Variants in TNRC6C observed in about 807,000 individuals in gnomAD.
The protein encoded by TNRC6C is trinucleotide repeat-containing gene 6C protein.
Under a neutral mutation model 153.7 loss-of-function variants are expected in TNRC6C, and 20 were observed. The observed-to-expected ratio is 0.13, with a 90% CI of 0.09 to 0.19. The LOEUF (loss-of-function observed/expected upper bound fraction) is 0.19, where lower values mean the gene tolerates loss of function less well. Ranked by LOEUF, TNRC6C falls within the 10% of genes least tolerant of loss-of-function variation. TNRC6C has a pLI of 1.00. For synonymous variants in TNRC6C, 811 were observed against 841.4 expected, an observed-to-expected ratio of 0.96 and a Z score of 0.63; for missense variants, 1,987 against 2,172.0, an observed-to-expected ratio of 0.91 and a Z score of 1.69.
rs547289890 is a variant in TNRC6C, at chr17:78,049,495, A to T, written c.433A>T (p.Thr145Ser). Residue 145 changes from threonine to serine, a missense_variant, in exon 3 of 20, where the codon ACA becomes TCA. Thr to Ser is a moderately conservative substitution (Grantham distance 58). Coordinates refer to ENST00000301624, the Ensembl canonical transcript of TNRC6C. This position sits in a 1 kb window ranked among gnomAD's most constrained non-coding sequence, Gnocchi z 4.1. ...TATGGGCAACCAGAACGGGAACCCA[A>T]CAGGCACTTTAGGTGCTTGGGGAAA... 28 of 1,614,074 alleles carry T rather than the reference A, an allele frequency of 1.7e-5. No individual in the cohort carries two copies. The East Asian group carries it at 4.5e-4, about 26-fold the overall frequency.
In TNRC6C at chr17:77,980,867, G is replaced by A. The variant is rs535732881; in HGVS notation, c.-38+21599G>A. Among the ~76,000 whole-genome samples the A allele has an allele frequency of 2.7e-4, 41 of 152,344 alleles. 1 individual carries two copies. The South Asian group carries it at 8.5e-3, about 32-fold the overall frequency. The stretch of plus-strand genomic sequence containing the variant: ...GCCTAGAACAAGGTATGGGGGGTGG[G>A]TGCTTCCATGCCCTCTCTGTTGCAC... On this transcript the variant is annotated intron_variant, in intron 1 of 22. Transcript: ENST00000636222.
intron 17 of TNRC6C, among the ~76,000 whole-genome samples, chr17:78,099,314 A>T (rs1325754236): frequency 6.6e-6 from 1 of 152,240 alleles, no homozygotes; most frequent in African/African-American, 2.4e-5. Flanking sequence ...CAAAATTTTT[A>T]AAATCAGCTA....
exon 20 of TNRC6C, chr17:78,107,198 T>C (rs1471878829): frequency 6.6e-6 from 1 of 152,222 alleles, no homozygotes; most frequent in Non-Finnish European, 1.5e-5. Flanking sequence ...TGTTTTAAAA[T>C]TGGGGATGGA....
intron 16 of TNRC6C, among the ~76,000 whole-genome samples, 200 bp from the exon 19 acceptor site, chr17:78,097,545 C>T (rs910990339): frequency 5.3e-5 from 8 of 152,214 alleles, no homozygotes; most frequent in Non-Finnish European, 1.0e-4. Flanking sequence ...CATCCCAGGC[C>T]TCCCTGAGTG....
intron 1 of TNRC6C, among the ~76,000 whole-genome samples, chr17:77,983,900 C>T (rs571866237): frequency 5.3e-5 from 8 of 152,196 alleles, no homozygotes; most frequent in Non-Finnish European, 7.4e-5. Context: ...AATGTCTGTT[C>T]GGACTGCAGC....
intron 16 of TNRC6C, among the ~76,000 whole-genome samples, chr17:78,096,766 CAACT>C (rs576764194): frequency 1.3e-5 from 2 of 152,350 alleles, no homozygotes; most frequent in South Asian, 2.1e-4. Flanking sequence ...GTGTTCACCC[CAACT>C]GTCACCATTA....
At chr17:78,039,309 G>GCCCCCCCCCCCCCCCCCCCCCCCCC (rs11306576) in intron 2 of TNRC6C, among the ~76,000 whole-genome samples, 1 of 113,464 alleles carries the variant, frequency 8.8e-6, no homozygotes, top group African/African-American at 3.6e-5. Context: ...TTCAAATCTT[G>GCCCCCCCCCCCCCCCCCCCCCCCCC]CCCCCCCCCC....
intron 3 of TNRC6C, among the ~76,000 whole-genome samples, chr17:78,064,368 G>A (rs1429013270): frequency 6.6e-6 from 1 of 152,178 alleles, no homozygotes; most frequent in East Asian, 1.9e-4. Context: ...TGGAATTACA[G>A]GCATGAGCCA....
At chr17:77,998,080 C>G (rs149972784) in intron 1 of TNRC6C, among the ~76,000 whole-genome samples, 94 of 152,196 alleles carry the variant, frequency 6.2e-4, no homozygotes, top group African/African-American at 2.2e-3. Flanking sequence ...CAAACACATA[C>G]AACCATATAA....
In TNRC6C at chr17:78,104,118, G is replaced by A. The variant is rs1181173682; in HGVS notation, c.4713-367G>A. On this transcript the variant is annotated intron_variant, in intron 19 of 19. Transcript: ENST00000301624. The surrounding 1 kb of genome is among the most constrained non-coding windows in gnomAD (Gnocchi z 6.2). ...TCCTCACAGCCAACCCTTCACCCTA[G>A]TGAAAGGTTGCTTTTGATAGAAGTA... Among the ~76,000 whole-genome samples the A allele has an allele frequency of 6.6e-6, 1 of 152,178 alleles. No individual in the cohort carries two copies. Among genetic ancestry groups the A allele is most frequent in the Non-Finnish European group, 1.5e-5 (1 of 68,032 alleles).
intron 10 of TNRC6C, among the ~76,000 whole-genome samples, chr17:78,082,623 G>A (rs900557982): frequency 6.6e-6 from 1 of 151,998 alleles, no homozygotes; most frequent in African/African-American, 2.4e-5. Context: ...GGCAAGATAA[G>A]GGCGTTTGTA....
exon 16 of TNRC6C, chr17:78,093,690 T>C (rs1177008020): frequency 1.9e-6 from 3 of 1,614,018 alleles, no homozygotes; most frequent in Non-Finnish European, 1.7e-6. Flanking sequence ...ACGTCACTCC[T>C]GGCAGTGTCC....
chr17:78,051,033 G>A lies in TNRC6C; in HGVS notation c.1971G>A (p.Glu657=), dbSNP rs2072520145. Residue 657 remains glutamate, a synonymous_variant, in exon 3 of 20, where the codon GAG becomes GAA. Transcript: ENST00000301624. ...CCAATCCAGGTACAAACTGGGGGGA[G>A]ACTTTAAAACCTGGCCCCCAACAGA... 1.9e-6 allele frequency: 3 copies of A among 1,613,352 alleles called. No individual in the cohort carries two copies. In the East Asian group the frequency reaches 6.7e-5, roughly 36 times the overall value.
chr17:78,084,314 C>G (rs978496132), intron 11 of TNRC6C, among the ~76,000 whole-genome samples: 2 of 133,202 alleles, frequency 1.5e-5, no homozygotes, highest in South Asian at 4.8e-4. Context: ...GACCAGGAAT[C>G]ATGAAGGAGA....
intron 8 of TNRC6C, among the ~76,000 whole-genome samples, chr17:78,076,038 G>A (rs2073077586): frequency 6.6e-6 from 1 of 151,874 alleles, no homozygotes; most frequent in South Asian, 2.1e-4. Flanking sequence ...CCAACATGGT[G>A]AAACCCCGTC....
intron 1 of TNRC6C, among the ~76,000 whole-genome samples, chr17:77,977,490 C>G (rs1349767209): frequency 1.3e-5 from 2 of 152,048 alleles, no homozygotes; most frequent in Non-Finnish European, 2.9e-5. Context: ...TGATATGTTG[C>G]AAAACAAAAA....
chr17:78,082,190 G>A (rs975998748), intron 10 of TNRC6C, among the ~76,000 whole-genome samples: 33 of 150,110 alleles, frequency 2.2e-4, no homozygotes, highest in African/African-American at 7.4e-4. Context: ...CTGGGTCCGG[G>A]GGGTCACCGC....
At chr17:78,012,692 A>G (rs2071657477) in intron 1 of TNRC6C, among the ~76,000 whole-genome samples, 1 of 152,192 alleles carries the variant, frequency 6.6e-6, no homozygotes, top group African/African-American at 2.4e-5. Flanking sequence ...CAGTGCTTCC[A>G]GGTATGAGAA....
At chr17:78,025,305 G>A (rs1362319712) in intron 1 of TNRC6C, among the ~76,000 whole-genome samples, 5 of 152,270 alleles carry the variant, frequency 3.3e-5, no homozygotes, top group Admixed American at 6.5e-5. Context: ...AAAATGTCAC[G>A]TAGTTGGAAT....
Sources: allele counts gnomAD v4.1 joint callset (sites outside exome capture counted in the v4.1 genomes callset), GRCh38; gene constraint gnomAD v4.1.1; non-coding constraint Gnocchi (gnomAD v3.1); transcripts MANE v1.5; gene names NCBI Gene and HGNC (gene_info 2026-07-23, HGNC 2026-07-21).